CACNB2: variants seen among roughly 807,000 people sequenced by gnomAD.
CACNB2 encodes the protein voltage-dependent L-type calcium channel subunit beta-2.
CACNB2 carries 42 observed loss-of-function variants against 73.3 expected under a neutral mutation model. The ratio of observed to expected loss-of-function variants is 0.57; its 90% CI spans 0.45 to 0.74. The LOEUF (loss-of-function observed/expected upper bound fraction) is 0.74, where lower values mean the gene tolerates loss of function less well. CACNB2 is among the 30% of genes least tolerant of loss of function. CACNB2 has a pLI of 0.00. For synonymous variants in CACNB2, 348 were observed against 310.3 expected (o/e 1.12, Z -1.28); for missense variants, 940 against 853.0 (o/e 1.10, Z -1.27).
intron 3 of CACNB2, among the ~76,000 whole-genome samples, chr10:18,448,441 C>G (rs1589387301): frequency 7.4e-6 from 1 of 134,994 alleles, no homozygotes; most frequent in South Asian, 2.4e-4. Flanking sequence ...TGTCATTGCA[C>G]TCTAGCCTAG....
At chr10:18,518,459 ACTT>A (rs143476953) in intron 8 of CACNB2, 43 bp downstream of exon 8, 649 of 1,326,718 alleles carry the variant, frequency 4.9e-4, no homozygotes, top group African/African-American at 3.7e-3. Context: ...TGCATGCTGA[ACTT>A]CTTTGTGATG....
At chr10:18,193,460 T>C (rs561277175) in intron 2 of CACNB2, among the ~76,000 whole-genome samples, 1 of 152,320 alleles carries the variant, frequency 6.6e-6, no homozygotes, top group African/African-American at 2.4e-5. Context: ...GAAAAGGCCC[T>C]TTTAATGTAG....
chr10:18,421,908 A>G (rs2045344793), intron 3 of CACNB2, among the ~76,000 whole-genome samples: 1 of 152,134 alleles, frequency 6.6e-6, no homozygotes, highest in Non-Finnish European at 1.5e-5. Flanking sequence ...TCACCACATA[A>G]ATTCTTAGAG....
At chr10:18,506,945 C>T (rs1465669400) in intron 6 of CACNB2, among the ~76,000 whole-genome samples, 1 of 152,154 alleles carries the variant, frequency 6.6e-6, no homozygotes, top group Admixed American at 6.6e-5. Context: ...ACTACAGGTG[C>T]ACACCACCAT....
At chr10:18,446,229 G>C (rs751682592) in intron 3 of CACNB2, among the ~76,000 whole-genome samples, 55 of 152,130 alleles carry the variant, frequency 3.6e-4, no homozygotes, top group Non-Finnish European at 5.4e-4. Flanking sequence ...GGAAGGAAAG[G>C]GATGGCAGTC....
chr10:18,229,956 G>C (rs1018365008), intron 2 of CACNB2, among the ~76,000 whole-genome samples: 3 of 152,092 alleles, frequency 2.0e-5, no homozygotes, highest in Non-Finnish European at 2.9e-5. Flanking sequence ...AAAACAGCAA[G>C]CATAGAGAAA....
intron 3 of CACNB2, among the ~76,000 whole-genome samples, chr10:18,426,620 A>C (rs2045611230): frequency 1.3e-5 from 2 of 152,214 alleles, no homozygotes; most frequent in Admixed American, 1.3e-4. Context: ...TAGGAGGATC[A>C]CCTGAGGCCA....
At chr10:18,368,153 C>G (rs1445071943) in intron 2 of CACNB2, among the ~76,000 whole-genome samples, 1 of 152,086 alleles carries the variant, frequency 6.6e-6, no homozygotes, top group Non-Finnish European at 1.5e-5. Flanking sequence ...GTCTTTATTT[C>G]AATCTTTGGA....
At chr10:18,533,658 T>C (rs962306266) in intron 10 of CACNB2, among the ~76,000 whole-genome samples, 8 of 152,176 alleles carry the variant, frequency 5.3e-5, no homozygotes, top group Admixed American at 3.3e-4. Context: ...CATGTAAACA[T>C]AGATCAGCCC....
intron 5 of CACNB2, among the ~76,000 whole-genome samples, chr10:18,503,406 G>A (rs1169875476): frequency 6.6e-6 from 1 of 152,144 alleles, no homozygotes; most frequent in Non-Finnish European, 1.5e-5. Flanking sequence ...AGACCAGCCT[G>A]GTCAATATGG....
Position 18,481,203 on chromosome 10 carries a change from TATATA to T in CACNB2, c.334-17151_334-17147del. On this transcript the variant is annotated intron_variant, in intron 3 of 13. Coordinates refer to ENST00000324631, the MANE Select transcript of CACNB2 (RefSeq NM_201596.3). Reference sequence around the variant, plus strand: ...ATATTACATCTTCGCTATATATATATATATATATATATATATATATATATATATTT... The same window carrying T: ...ATATTACATCTTCGCTATATATATATTATATATATATATATATATATATTT... 1.3e-4 allele frequency among the ~76,000 whole-genome samples: 2 copies of T among 15,588 alleles called. 1 individual carries two copies. Among genetic ancestry groups the T allele is most frequent in the Middle Eastern group, 0.091 (2 of 22 alleles). The allele number at this position is 15,588 out of a possible 152,430, so 10.2% of individuals were successfully genotyped here.
chr10:18,306,955 T>A (rs1038334604), intron 2 of CACNB2, among the ~76,000 whole-genome samples: 1 of 152,038 alleles, frequency 6.6e-6, no homozygotes, highest in Non-Finnish European at 1.5e-5. Flanking sequence ...ATAATATGGG[T>A]TAAAGGCAAG....
At chr10:18,524,641 C>T (rs531420813) in intron 9 of CACNB2, among the ~76,000 whole-genome samples, 215 of 116,684 alleles carry the variant, frequency 1.8e-3, no homozygotes, top group African/African-American at 7.2e-3. Flanking sequence ...GGTGACAGAG[C>T]AAGACTCTAT....
At chr10:18,301,430 CA>C (rs5783592) in intron 2 of CACNB2, among the ~76,000 whole-genome samples, 2 of 151,442 alleles carry the variant, frequency 1.3e-5, no homozygotes, top group East Asian at 2.0e-4. Flanking sequence ...CCCCGCTCTA[CA>C]AAAAAACACA....
intron 2 of CACNB2, among the ~76,000 whole-genome samples, chr10:18,264,818 G>T (rs1323144732): frequency 6.6e-6 from 1 of 152,182 alleles, no homozygotes; most frequent in Non-Finnish European, 1.5e-5. Flanking sequence ...ATCATAAATA[G>T]TGCTGTTATA....
At chr10:18,205,098 C>G (rs1466693158) in intron 2 of CACNB2, among the ~76,000 whole-genome samples, 1 of 148,832 alleles carries the variant, frequency 6.7e-6, no homozygotes, top group Non-Finnish European at 1.5e-5. Flanking sequence ...AAAAAAAATT[C>G]TTAAGATCTG....
At chr10:18,318,821 A>G (rs1308946876) in intron 2 of CACNB2, among the ~76,000 whole-genome samples, 1 of 152,260 alleles carries the variant, frequency 6.6e-6, no homozygotes, top group African/African-American at 2.4e-5. Flanking sequence ...AAAAGAAGAC[A>G]TTTATGAGGC....
chr10:18,204,519 T>G (rs1220760034), intron 2 of CACNB2, among the ~76,000 whole-genome samples: 2 of 152,202 alleles, frequency 1.3e-5, no homozygotes, highest in Non-Finnish European at 2.9e-5. Context: ...AAGTGATAGT[T>G]TTTCTTTTAA....
At chr10:18,211,864 C>CT (rs11352723) in intron 2 of CACNB2, among the ~76,000 whole-genome samples, 1 of 150,472 alleles carries the variant, frequency 6.6e-6, no homozygotes, top group South Asian at 2.1e-4. Flanking sequence ...TACGTGGTTT[C>CT]TTTTTTTTTT....
Sources: allele counts gnomAD v4.1 joint callset (sites outside exome capture counted in the v4.1 genomes callset), GRCh38; gene constraint gnomAD v4.1.1; transcripts MANE v1.5; gene names NCBI Gene and HGNC (gene_info 2026-07-23, HGNC 2026-07-21).